Variants in RAD51B observed in about 807,000 individuals in gnomAD.
RAD51B encodes RAD51 paralog B, also known as DNA repair protein RAD51 homolog 2.
In RAD51B, 38 loss-of-function variants were observed where a neutral mutation model predicts 42.2. That is an observed-to-expected ratio of 0.90 (90% confidence interval 0.70 to 1.18). The LOEUF is 1.18. Ranked by LOEUF, RAD51B falls within the 50% of genes most tolerant of loss-of-function variation. The probability of loss-of-function intolerance (pLI) is 0.00; values close to 1 mark genes in which losing one functional copy is unlikely to be tolerated. For synonymous variants in RAD51B, 154 were observed against 145.2 expected (o/e 1.06, Z -0.43); for missense variants, 373 against 400.7 (o/e 0.93, Z 0.59).
At chr14:68,541,307 A>T in intron 10 of RAD51B, 1 of 985,468 alleles carries the variant, frequency 1.0e-6, no homozygotes. Context: ...ATAGGTGGCT[A>T]AGGAGAACTG....
chr14:67,902,520 T>G (rs1566949934), intron 7 of RAD51B, among the ~76,000 whole-genome samples: 1 of 152,214 alleles, frequency 6.6e-6, no homozygotes, highest in Non-Finnish European at 1.5e-5. Context: ...GTTTTTTAAC[T>G]AGTGTTAAGA....
intron 11 of RAD51B, among the ~76,000 whole-genome samples, chr14:68,667,783 C>T (rs1893062651): frequency 6.6e-6 from 1 of 152,208 alleles, no homozygotes; most frequent in Non-Finnish European, 1.5e-5. Flanking sequence ...TTTATTATAT[C>T]TCCATTGGTT....
intron 7 of RAD51B, among the ~76,000 whole-genome samples, chr14:68,091,293 G>A (rs2077095198): frequency 6.6e-6 from 1 of 152,168 alleles, no homozygotes; most frequent in Non-Finnish European, 1.5e-5. Context: ...TTCCACAATG[G>A]TTGAACTAGT....
At chr14:68,378,481 C>T (rs1017172791) in intron 8 of RAD51B, among the ~76,000 whole-genome samples, 2 of 152,138 alleles carry the variant, frequency 1.3e-5, no homozygotes, top group African/African-American at 4.8e-5. Flanking sequence ...TTCAAGGACT[C>T]AGCCCCATAC....
intron 7 of RAD51B, among the ~76,000 whole-genome samples, chr14:67,913,948 C>G (rs949454205): frequency 1.3e-5 from 2 of 151,976 alleles, no homozygotes; most frequent in Admixed American, 6.6e-5. Flanking sequence ...TTCCCAACCT[C>G]TGGTAACCAT....
chr14:68,422,134 G>A, intron 9 of RAD51B: 1 of 1,416,852 alleles, frequency 7.1e-7, no homozygotes, highest in Admixed American at 1.7e-5. Flanking sequence ...ACAGCTCGAA[G>A]GAGACATGGC....
chr14:68,296,021 C>T (rs1228485565), intron 8 of RAD51B, among the ~76,000 whole-genome samples: 1 of 152,162 alleles, frequency 6.6e-6, no homozygotes, highest in Non-Finnish European at 1.5e-5. Flanking sequence ...GACAGCAATA[C>T]AGGAAGGGGA....
At position 68,633,209 on chromosome 14, in the gene RAD51B, G is replaced by C. The variant is rs139365313; in HGVS notation, c.1037-17572G>C. Among the ~76,000 whole-genome samples, 412 of 151,844 alleles carry C rather than the reference G, an allele frequency of 2.7e-3. No individual in the cohort carries two copies. In the Middle Eastern group the frequency reaches 0.034, roughly 13 times the overall value. On this transcript the variant is annotated intron_variant, in intron 10 of 11. Coordinates refer to the RAD51B transcript ENST00000488612. Reference sequence around the variant, plus strand: ...ACAAGTTAGTTCCACAGACTCTCCAGGTCCTTGGGACCCCATGAAACTCTC... The same window carrying C: ...ACAAGTTAGTTCCACAGACTCTCCACGTCCTTGGGACCCCATGAAACTCTC...
intron 10 of RAD51B, among the ~76,000 whole-genome samples, chr14:68,483,777 G>A (rs1396206109): frequency 1.3e-5 from 2 of 152,226 alleles, no homozygotes; most frequent in African/African-American, 2.4e-5. Context: ...GTCAAGTGCT[G>A]ATGGCAGCCT....
intron 7 of RAD51B, among the ~76,000 whole-genome samples, chr14:68,011,931 A>T (rs2075691037): frequency 6.6e-6 from 1 of 152,098 alleles, no homozygotes; most frequent in African/African-American, 2.4e-5. Flanking sequence ...TCGACACTAA[A>T]GGTTAGAAGT....
chr14:67,831,130 C>T (rs1019695418), intron 3 of RAD51B, among the ~76,000 whole-genome samples: 1 of 152,110 alleles, frequency 6.6e-6, no homozygotes, highest in Admixed American at 6.5e-5. Context: ...CTGCCTCAGC[C>T]TCCCAAAGTG....
At chr14:68,046,935 TTTTTG>T (rs1164653478) in intron 7 of RAD51B, among the ~76,000 whole-genome samples, 2 of 151,878 alleles carry the variant, frequency 1.3e-5, no homozygotes, top group African/African-American at 2.4e-5. Context: ...GGATCCTGTT[TTTTTG>T]TTTTGTTTTG....
chr14:68,661,461 G>A (rs1892930911), intron 11 of RAD51B, among the ~76,000 whole-genome samples: 1 of 152,148 alleles, frequency 6.6e-6, no homozygotes, highest in African/African-American at 2.4e-5. Flanking sequence ...AAGTGGCCCG[G>A]GGGAAATTCA....
chr14:68,663,163 G>A lies in RAD51B; in HGVS notation c.*11+12307G>A, dbSNP rs367885456. 8.6e-4 allele frequency among the ~76,000 whole-genome samples: 131 copies of A among 152,300 alleles called. 1 individual carries two copies. The South Asian group carries it at 0.024, about 28-fold the overall frequency. Reference sequence around the variant, plus strand: ...TAAAAATACAAAAAATTAGCTAGGCGTGGTGGTGCGCACCTATAATCCCAG... The same window carrying A: ...TAAAAATACAAAAAATTAGCTAGGCATGGTGGTGCGCACCTATAATCCCAG... On this transcript the variant is annotated intron_variant, in intron 11 of 11. Transcript: ENST00000488612.
chr14:67,821,890 C>A (rs766838142), intron 1 of RAD51B, among the ~76,000 whole-genome samples: 10 of 151,834 alleles, frequency 6.6e-5, no homozygotes, highest in Admixed American at 6.6e-5. Flanking sequence ...ACTTGGTTTT[C>A]TACTGGGGGA....
In RAD51B at chr14:68,441,669, T is replaced by C. The variant is rs897854426; in HGVS notation, c.958-26503T>C. Among the ~76,000 whole-genome samples, 3 of 152,102 alleles carry C rather than the reference T, an allele frequency of 2.0e-5. No homozygotes were observed. The East Asian group carries it at 5.8e-4, about 29-fold the overall frequency. Reference sequence around the variant, plus strand: ...CATTGCAAAAAAGATAATGTTATTCTAAAGTAAAATTCTAGCTCTGTTTCT... The same window carrying C: ...CATTGCAAAAAAGATAATGTTATTCCAAAGTAAAATTCTAGCTCTGTTTCT... On this transcript the variant is annotated intron_variant, in intron 9 of 10. Coordinates refer to ENST00000471583, the MANE Select transcript of RAD51B (RefSeq NM_133510.4).
At chr14:68,047,739 T>G (rs1171831134) in intron 7 of RAD51B, among the ~76,000 whole-genome samples, 1 of 152,250 alleles carries the variant, frequency 6.6e-6, no homozygotes, top group Non-Finnish European at 1.5e-5. Flanking sequence ...CTTGAGCTTA[T>G]ATTTCAGGGA....
At chr14:68,140,703 C>A (rs2078111594) in intron 7 of RAD51B, among the ~76,000 whole-genome samples, 1 of 152,164 alleles carries the variant, frequency 6.6e-6, no homozygotes, top group South Asian at 2.1e-4. Flanking sequence ...CTTCATACCC[C>A]CTGCCATGCT....
intron 8 of RAD51B, among the ~76,000 whole-genome samples, chr14:68,305,252 A>G (rs1308306650): frequency 2.0e-5 from 3 of 152,206 alleles, no homozygotes; most frequent in Non-Finnish European, 2.9e-5. Context: ...CATTCATTCA[A>G]TTGTTCATTC....
Sources: allele counts gnomAD v4.1 joint callset (sites outside exome capture counted in the v4.1 genomes callset), GRCh38; gene constraint gnomAD v4.1.1; transcripts MANE v1.5; gene names NCBI Gene and HGNC (gene_info 2026-07-23, HGNC 2026-07-21).